Variants in ACSL5 observed in about 807,000 individuals in gnomAD.
ACSL5 encodes acyl-CoA synthetase long chain family member 5, also known as long-chain-fatty-acid--CoA ligase 5.
Under a neutral mutation model 84.9 loss-of-function variants are expected in ACSL5, and 50 were observed. The observed-to-expected ratio is 0.59, with a 90% CI of 0.47 to 0.75. The LOEUF is 0.75. ACSL5 is among the 30% of genes least tolerant of loss of function. The pLI, the probability that ACSL5 is intolerant of heterozygous loss-of-function variation, is 0.00. For missense variants in ACSL5, 775 were observed against 830.4 expected (o/e 0.93, Z 0.82); for synonymous variants, 280 against 300.7 (o/e 0.93, Z 0.71).
chr10:112,416,504 G>T (rs953364963), intron 12 of ACSL5, among the ~76,000 whole-genome samples: 2 of 147,774 alleles, frequency 1.4e-5, no homozygotes, highest in Non-Finnish European at 3.0e-5. Flanking sequence ...AATCAGATTC[G>T]TAGGCTGCCC....
chr10:112,404,582 T>A lies in ACSL5; in HGVS notation c.330+7T>A. ...ATGGCTATCTTACAAACAGGTAAGTTGAGTCCATGTTTTTAGACAGATTCT... is the reference window on the plus strand; with the variant it reads ...ATGGCTATCTTACAAACAGGTAAGTAGAGTCCATGTTTTTAGACAGATTCT... On this transcript the variant is annotated splice_region_variant and intron_variant, in intron 4 of 20. Transcript: ENST00000354655. 1.2e-6 allele frequency: 2 copies of A among 1,612,078 alleles called. No individual in the cohort carries two copies. The highest frequency in any genetic ancestry group is 1.1e-5 in the South Asian group (1 of 91,042).
intron 14 of ACSL5, among the ~76,000 whole-genome samples, chr10:112,421,131 A>G (rs1844450762): frequency 6.6e-6 from 1 of 151,848 alleles, no homozygotes; most frequent in South Asian, 2.1e-4. Context: ...CTTGGGTATG[A>G]GTTCAAGGTT....
intron 12 of ACSL5, among the ~76,000 whole-genome samples, chr10:112,414,320 A>G (rs1218205989): frequency 1.4e-5 from 2 of 147,298 alleles, no homozygotes; most frequent in African/African-American, 5.0e-5. Flanking sequence ...AGGAATTCAT[A>G]ATTTTCAGAT....
chr10:112,378,540 C>A (rs1849288027), intron 1 of ACSL5, among the ~76,000 whole-genome samples: 1 of 152,084 alleles, frequency 6.6e-6, no homozygotes, highest in African/African-American at 2.4e-5. Flanking sequence ...AGCCACTGCA[C>A]CTGGCCTATA....
Position 112,399,709 on chromosome 10 carries a change from G to A in ACSL5, c.265+700G>A, listed in dbSNP as rs188738122. Reference sequence around the variant, plus strand: ...CATTCTGGCCGTGTAACTTTTATCCGTCCCTTGACTTCTGCATGTTAACTA... The same window carrying A: ...CATTCTGGCCGTGTAACTTTTATCCATCCCTTGACTTCTGCATGTTAACTA... On this transcript the variant is annotated intron_variant, in intron 3 of 20. Transcript: ENST00000354655. Among the ~76,000 whole-genome samples the A allele has an allele frequency of 2.0e-5, 3 of 152,236 alleles. No homozygotes were observed. In the East Asian group the frequency reaches 5.8e-4, roughly 29 times the overall value.
intron 1 of ACSL5, chr10:112,375,531 C>G (rs1002184444): frequency 6.6e-6 from 1 of 152,234 alleles, no homozygotes; most frequent in African/African-American, 2.4e-5. Flanking sequence ...GAAAGTGCTG[C>G]TTCATTCTGA....
At chr10:112,386,419 C>G (rs1477447199) in intron 1 of ACSL5, among the ~76,000 whole-genome samples, 1 of 151,930 alleles carries the variant, frequency 6.6e-6, no homozygotes, top group East Asian at 1.9e-4. Flanking sequence ...GTCTTGAACT[C>G]CTGACCTCAA....
In ACSL5 at chr10:112,380,169, G is replaced by T. The variant is rs886841976; in HGVS notation, c.-30+5900G>T. Among the ~76,000 whole-genome samples the T allele has an allele frequency of 2.0e-5, 3 of 152,186 alleles. No individual in the cohort carries two copies. In the East Asian group the frequency reaches 5.8e-4, roughly 29 times the overall value. On this transcript the variant is annotated intron_variant, in intron 1 of 20. Transcript: ENST00000354655. ...CACTTGAAGCCCAGTGGTGGATCAA[G>T]GTTGACTCTATCGACCTGAGCTCCT...
chr10:112,404,634 G>C, intron 4 of ACSL5, 59 bp downstream of exon 4: 1 of 1,589,540 alleles, frequency 6.3e-7, no homozygotes, highest in African/African-American at 1.3e-5. Context: ...TGAACTACAG[G>C]ATACGATATT....
chr10:112,386,220 G>C (rs1307275001), intron 1 of ACSL5, among the ~76,000 whole-genome samples: 2 of 109,508 alleles, frequency 1.8e-5, no homozygotes. Context: ...TTGAGGCAGA[G>C]TCTGGCTCTG....
intron 1 of ACSL5, among the ~76,000 whole-genome samples, chr10:112,388,139 C>T (rs1589674263): frequency 6.6e-6 from 1 of 152,186 alleles, no homozygotes; most frequent in East Asian, 1.9e-4. Context: ...GGGGTTTCGC[C>T]ATGTTGGCCA....
intron 1 of ACSL5, among the ~76,000 whole-genome samples, chr10:112,388,298 A>T (rs2133578515): frequency 6.6e-6 from 1 of 152,258 alleles, no homozygotes; most frequent in Non-Finnish European, 1.5e-5. Flanking sequence ...AGATAACTTC[A>T]TTCCAACTCT....
intron 6 of ACSL5, 129 bp from the exon 7 acceptor site, chr10:112,409,366 CATTATAAATCTG>C (rs1844122923): frequency 3.0e-6 from 2 of 657,710 alleles, no homozygotes; most frequent in Admixed American, 5.6e-5. Flanking sequence ...TCAGGTTGTA[CATTATAAATCTG>C]ATTTGCAGGT....
chr10:112,395,321 G>A (rs1366504029), intron 2 of ACSL5, among the ~76,000 whole-genome samples: 2 of 152,216 alleles, frequency 1.3e-5, no homozygotes, highest in East Asian at 1.9e-4. Context: ...CTAGATTGGA[G>A]TTGGCAAACA....
chr10:112,401,194 T>C (rs1843879800), intron 3 of ACSL5, among the ~76,000 whole-genome samples: 1 of 152,014 alleles, frequency 6.6e-6, no homozygotes, highest in South Asian at 2.1e-4. Context: ...TCAGCCTGGG[T>C]AACAGAGGGA....
chr10:112,389,694 G>A (rs1413155510), intron 1 of ACSL5, among the ~76,000 whole-genome samples: 1 of 152,180 alleles, frequency 6.6e-6, no homozygotes. Context: ...TGTGACAAAA[G>A]GAGGGTGACT....
intron 1 of ACSL5, among the ~76,000 whole-genome samples, chr10:112,374,658 C>CA (rs1171873447): frequency 6.6e-6 from 1 of 152,142 alleles, no homozygotes; most frequent in African/African-American, 2.4e-5. Context: ...ATTTGGCAGA[C>CA]AGAGAGGAAG....
intron 15 of ACSL5, 101 bp from the exon 16 acceptor site, chr10:112,421,846 A>G: frequency 2.2e-6 from 3 of 1,394,182 alleles, no homozygotes; most frequent in Non-Finnish European, 3.0e-6. Flanking sequence ...GTGATTTTTC[A>G]GTCTTCCTCT....
At chr10:112,382,344 T>C (rs1849366525) in intron 1 of ACSL5, among the ~76,000 whole-genome samples, 1 of 152,232 alleles carries the variant, frequency 6.6e-6, no homozygotes, top group Non-Finnish European at 1.5e-5. Flanking sequence ...TCCTCGCTAG[T>C]TGCCTTTCTC....
Sources: gnomAD v4.1 joint callset for allele counts (sites outside exome capture counted in the v4.1 genomes callset) on GRCh38, gnomAD v4.1.1 for gene constraint, MANE v1.5 for transcripts, NCBI Gene and HGNC (gene_info 2026-07-23, HGNC 2026-07-21) for gene names.